Variants in YPEL2 observed in about 807,000 individuals in gnomAD.
YPEL2 encodes yippee like 2, also known as protein yippee-like 2.
A neutral mutation model predicts 19.1 loss-of-function variants in YPEL2; 2 were observed. The observed-to-expected ratio is 0.10, with a 90% CI of 0.04 to 0.33. YPEL2 has a LOEUF of 0.33. YPEL2 is among the 10% of genes least tolerant of loss of function. YPEL2 has a pLI of 1.00. For synonymous variants in YPEL2, 52 were observed against 50.0 expected, an observed-to-expected ratio of 1.04 and a Z score of -0.17; for missense variants, 66 against 140.7, an observed-to-expected ratio of 0.47 and a Z score of 2.68.
intron 2 of YPEL2, among the ~76,000 whole-genome samples, chr17:59,376,835 G>T (rs1484331859): frequency 6.6e-6 from 1 of 151,096 alleles, no homozygotes; most frequent in Non-Finnish European, 1.5e-5. Context: ...TGTACTCCCA[G>T]CTGCTTGGGA....
intron 1 of YPEL2, among the ~76,000 whole-genome samples, chr17:59,342,629 AG>A (rs2047737344): frequency 6.6e-6 from 1 of 152,114 alleles, no homozygotes; most frequent in African/African-American, 2.4e-5. Flanking sequence ...TGTTTTAACC[AG>A]GATTATCATC....
chr17:59,351,161 T>C (rs188805726), intron 1 of YPEL2, among the ~76,000 whole-genome samples: 2 of 152,208 alleles, frequency 1.3e-5, no homozygotes, highest in East Asian at 3.9e-4. Context: ...GATCACCTGA[T>C]GTCAGGAGTT....
chr17:59,353,665 A>T lies in YPEL2; in HGVS notation c.117+139A>T. On this transcript the variant is annotated intron_variant, in intron 2 of 4. Transcript: ENST00000312655. The surrounding 1 kb of genome is among the most constrained non-coding windows in gnomAD (Gnocchi z 4.8). ...GAGGGCTGACCCACGTGACCGTCTC[A>T]CTCAACTGAGAAAAACTCTGAGTTG... 1.4e-6 allele frequency: 1 copy of T among 734,938 alleles called. No homozygotes were observed. The highest frequency in any genetic ancestry group is 2.5e-6 in the Non-Finnish European group (1 of 405,920). The allele number at this position is 734,938 out of a possible 1,614,324, so 45.5% of individuals were successfully genotyped here. A position where few individuals can be genotyped will look rare whatever the true frequency, so the allele number is the denominator to read the frequency against.
chr17:59,379,866 G>GTTTTGTTTTGTTTTGTTTTGTTTTC, intron 2 of YPEL2, among the ~76,000 whole-genome samples: 1 of 151,950 alleles, frequency 6.6e-6, no homozygotes, highest in South Asian at 2.1e-4. Flanking sequence ...TTTTTGTTTT[G>GTTTTGTTTTGTTTTGTTTTGTTTTC]TTTTGTTTTG....
chr17:59,396,295 G>T (rs954596626), intron 4 of YPEL2, among the ~76,000 whole-genome samples: 3 of 152,170 alleles, frequency 2.0e-5, no homozygotes, highest in African/African-American at 7.2e-5. Flanking sequence ...GTCTTCTAAG[G>T]CTACAGCCAT....
At chr17:59,393,557 G>A (rs868376499) in intron 4 of YPEL2, among the ~76,000 whole-genome samples, 88 of 140,752 alleles carry the variant, frequency 6.3e-4, no homozygotes, top group Admixed American at 2.6e-3. Flanking sequence ...GGTGTTTCTC[G>A]CAGAGGGGGA....
chr17:59,366,152 A>G (rs1231878155), intron 2 of YPEL2: 1 of 152,324 alleles, frequency 6.6e-6, no homozygotes, highest in Admixed American at 6.7e-5. Flanking sequence ...ATGAGGAAAC[A>G]GAAAAGTGTT....
Position 59,401,073 on chromosome 17 carries a change from G to A in YPEL2, c.*3883G>A, listed in dbSNP as rs1361790255. On this transcript the variant is annotated 3_prime_UTR_variant, in exon 5 of 5. Coordinates refer to ENST00000312655, the MANE Select transcript of YPEL2 (RefSeq NM_001005404.4). ...AATCACGTATCGCAGGGCTCCAGCT[G>A]TTTTAGAAGCCACATCATGTTAAAC... 6.6e-6 allele frequency: 1 copy of A among 152,246 alleles called. No homozygotes were observed. The highest frequency in any genetic ancestry group is 2.4e-5 in the African/African-American group (1 of 41,396). The allele number at this position is 152,246 out of a possible 1,614,324, so 9.4% of individuals were successfully genotyped here. A position where few individuals can be genotyped will look rare whatever the true frequency, so the allele number is the denominator to read the frequency against.
chr17:59,375,662 A>G (rs1396310821), intron 2 of YPEL2, among the ~76,000 whole-genome samples: 1 of 152,212 alleles, frequency 6.6e-6, no homozygotes, highest in Non-Finnish European at 1.5e-5. Flanking sequence ...TAATTTGGAA[A>G]CTGCAATTCT....
chr17:59,389,962 C>A (rs1260390570), intron 4 of YPEL2, among the ~76,000 whole-genome samples: 1 of 152,092 alleles, frequency 6.6e-6, no homozygotes, highest in African/African-American at 2.4e-5. Flanking sequence ...TATTCTGACA[C>A]AGAGCCCATG....
At chr17:59,339,802 G>A (rs1227318865) in intron 1 of YPEL2, among the ~76,000 whole-genome samples, 1 of 152,102 alleles carries the variant, frequency 6.6e-6, no homozygotes, top group African/African-American at 2.4e-5. Context: ...CATAATGCCT[G>A]TCTCCCTGGG....
intron 2 of YPEL2, among the ~76,000 whole-genome samples, chr17:59,367,590 G>A (rs189798163): frequency 6.6e-6 from 1 of 152,332 alleles, no homozygotes; most frequent in African/African-American, 2.4e-5. Context: ...CCCTAGGTAA[G>A]ATGATTAGAA....
At chr17:59,368,618 G>A (rs778911231) in intron 2 of YPEL2, among the ~76,000 whole-genome samples, 31 of 152,214 alleles carry the variant, frequency 2.0e-4, no homozygotes, top group Non-Finnish European at 3.4e-4. Context: ...AACATGACAC[G>A]AGGCCAAGTC....
At chr17:59,349,883 TCTCTTGAC>T (rs2047779321) in intron 1 of YPEL2, among the ~76,000 whole-genome samples, 2 of 151,660 alleles carry the variant, frequency 1.3e-5, no homozygotes, top group African/African-American at 4.8e-5. Context: ...ATGGTCTCAA[TCTCTTGAC>T]CTCGTGATCC....
intron 4 of YPEL2, 125 bp downstream of exon 4, chr17:59,389,593 C>T: frequency 2.9e-6 from 2 of 689,256 alleles, no homozygotes; most frequent in South Asian, 1.7e-5. Context: ...GAATAGTCAC[C>T]TGTCTACCAC....
intron 4 of YPEL2, among the ~76,000 whole-genome samples, chr17:59,395,600 G>T (rs2048034838): frequency 6.6e-6 from 1 of 152,136 alleles, no homozygotes; most frequent in Admixed American, 6.5e-5. Context: ...TCCCTCTGGG[G>T]GCCTGGCAGT....
rs750750724 is a variant in YPEL2 at position 59,359,697 on chromosome 17, AG to A, written c.117+6172del. Among the ~76,000 whole-genome samples, 9 of 152,330 alleles carry A rather than the reference AG, an allele frequency of 5.9e-5. No homozygotes were observed. In the South Asian group the frequency reaches 6.2e-4, roughly 11 times the overall value. On this transcript the variant is annotated intron_variant, in intron 2 of 4. Transcript: ENST00000312655. The stretch of plus-strand genomic sequence containing the variant: ...AAAAACCATACTCGAATAAAATTCG[AG>A]TATGTTTTAAGAGGAGGGAAAAATC...
intron 1 of YPEL2, among the ~76,000 whole-genome samples, chr17:59,334,648 T>C (rs1210522664): frequency 2.6e-5 from 4 of 151,994 alleles, no homozygotes; most frequent in East Asian, 3.9e-4. Flanking sequence ...CTCTTAGTTA[T>C]TGTGTCCAGA....
intron 4 of YPEL2, among the ~76,000 whole-genome samples, chr17:59,393,705 G>T (rs1244322468): frequency 4.1e-5 from 6 of 147,236 alleles, no homozygotes; most frequent in African/African-American, 1.3e-4. Flanking sequence ...ATTAGGGAGT[G>T]GTGATGACTC....
Sources: gnomAD v4.1 joint callset for allele counts (sites outside exome capture counted in the v4.1 genomes callset) on GRCh38, gnomAD v4.1.1 for gene constraint, Gnocchi (gnomAD v3.1) non-coding constraint, MANE v1.5 for transcripts, NCBI Gene and HGNC (gene_info 2026-07-23, HGNC 2026-07-21) for gene names.